DKK2: variants seen among roughly 807,000 people sequenced by gnomAD.
The protein encoded by DKK2 is dickkopf Wnt signaling pathway inhibitor 2.
Under a neutral mutation model 28.1 loss-of-function variants are expected in DKK2, and 11 were observed. That is an observed-to-expected ratio of 0.39 (90% CI 0.25 to 0.65). DKK2 has a LOEUF of 0.65. Among genes scored for constraint, DKK2 ranks in the 30% least tolerant of loss-of-function variants. DKK2 has a pLI of 0.47. For synonymous variants in DKK2, 135 were observed against 126.5 expected (o/e 1.07, Z -0.45); for missense variants, 326 against 335.5 (o/e 0.97, Z 0.22).
intron 1 of DKK2, among the ~76,000 whole-genome samples, chr4:106,980,352 T>TTA (rs1723010365): frequency 1.3e-5 from 2 of 152,104 alleles, no homozygotes; most frequent in African/African-American, 4.8e-5. Flanking sequence ...TATCAATATG[T>TTA]TATCAAAAGT....
At chr4:107,019,486 T>C (rs139104058) in intron 1 of DKK2, among the ~76,000 whole-genome samples, 3 of 151,998 alleles carry the variant, frequency 2.0e-5, no homozygotes, top group African/African-American at 7.2e-5. Context: ...CAACATAAAA[T>C]TCCTGGTATA....
At chr4:107,027,668 T>C (rs1012669514) in intron 1 of DKK2, among the ~76,000 whole-genome samples, 1 of 152,118 alleles carries the variant, frequency 6.6e-6, no homozygotes, top group Non-Finnish European at 1.5e-5. Flanking sequence ...TTAATACTTT[T>C]AGAAGCAGTC....
intron 1 of DKK2, among the ~76,000 whole-genome samples, chr4:106,940,850 A>G (rs963445860): frequency 5.9e-5 from 9 of 152,176 alleles, no homozygotes; most frequent in Non-Finnish European, 1.0e-4. Flanking sequence ...TCAGTAAACT[A>G]TCGCAAGAAC....
intron 1 of DKK2, among the ~76,000 whole-genome samples, chr4:106,983,309 GA>G (rs983091451): frequency 8.1e-5 from 9 of 110,440 alleles, no homozygotes; most frequent in African/African-American, 3.2e-4. Context: ...AAAGGAAGAA[GA>G]AAGAAAGAAG....
chr4:107,022,334 C>T (rs17037237), intron 1 of DKK2, among the ~76,000 whole-genome samples: 5 of 151,894 alleles, frequency 3.3e-5, no homozygotes, highest in Admixed American at 1.3e-4. Flanking sequence ...GCAATTAGCA[C>T]GTTGACTGAC....
intron 1 of DKK2, among the ~76,000 whole-genome samples, chr4:107,024,228 C>T (rs779257615): frequency 1.3e-5 from 2 of 152,008 alleles, no homozygotes; most frequent in Non-Finnish European, 2.9e-5. Context: ...TCAAGCCTTT[C>T]AAGGTGTTTT....
intron 1 of DKK2, among the ~76,000 whole-genome samples, chr4:106,969,794 A>G (rs1722838810): frequency 6.6e-6 from 1 of 152,244 alleles, no homozygotes; most frequent in Non-Finnish European, 1.5e-5. Context: ...TGAAGAGAAC[A>G]AAAATATCTC....
At chr4:107,011,934 G>T (rs2110369432) in intron 1 of DKK2, among the ~76,000 whole-genome samples, 1 of 151,400 alleles carries the variant, frequency 6.6e-6, no homozygotes, top group Admixed American at 6.6e-5. Flanking sequence ...GGCCAAACTT[G>T]AAGAATCACT....
rs1006327756 is a variant in DKK2, at chr4:106,965,796, C to T, written c.223-39847G>A. ...GAGTGTAATATTCCCCTTCCTGTGT[C>T]CATGTGATCTCATTGTTCAATTCCC... On this transcript the variant is annotated intron_variant, in intron 1 of 3. Coordinates refer to ENST00000285311, the MANE Select transcript of DKK2 (RefSeq NM_014421.3). Among the ~76,000 whole-genome samples the T allele has an allele frequency of 2.9e-5, 4 of 137,684 alleles. No homozygotes were observed. The Admixed American group carries it at 3.2e-4, about 11-fold the overall frequency. 90.3% of individuals were successfully genotyped at this position (137,684 alleles called of 152,430 possible).
chr4:106,935,123 C>A (rs559834122), intron 1 of DKK2, among the ~76,000 whole-genome samples: 3 of 152,252 alleles, frequency 2.0e-5, no homozygotes, highest in Non-Finnish European at 4.4e-5. Flanking sequence ...CCAAGATGGC[C>A]GAATAGGAAC....
At chr4:106,983,331 A>C (rs147840407) in intron 1 of DKK2, among the ~76,000 whole-genome samples, 4,565 of 128,256 alleles carry the variant, frequency 0.036, 97 homozygotes, top group African/African-American at 0.057. Context: ...AAAGAAAGGA[A>C]GAAAGGAAGA....
chr4:107,020,824 T>C (rs1329920107), intron 1 of DKK2, among the ~76,000 whole-genome samples: 2 of 152,054 alleles, frequency 1.3e-5, no homozygotes, highest in African/African-American at 2.4e-5. Flanking sequence ...AAGTAACATG[T>C]GCCACCAGAC....
chr4:106,992,804 A>G (rs1485357243), intron 1 of DKK2, among the ~76,000 whole-genome samples: 1 of 152,192 alleles, frequency 6.6e-6, no homozygotes, highest in African/African-American at 2.4e-5. Flanking sequence ...AATCCTACCT[A>G]CTATTACATG....
At chr4:106,960,166 A>G (rs1039518201) in intron 1 of DKK2, among the ~76,000 whole-genome samples, 5 of 150,266 alleles carry the variant, frequency 3.3e-5, no homozygotes, top group African/African-American at 4.9e-5. Context: ...ATACACACAT[A>G]TATAGTAATA....
At chr4:106,969,502 G>T (rs1378351094) in intron 1 of DKK2, among the ~76,000 whole-genome samples, 2 of 151,784 alleles carry the variant, frequency 1.3e-5, no homozygotes, top group African/African-American at 4.8e-5. Flanking sequence ...TAAGTAACTT[G>T]CACCAAGTGT....
At chr4:106,954,893 A>G (rs886195967) in intron 1 of DKK2, among the ~76,000 whole-genome samples, 2 of 152,186 alleles carry the variant, frequency 1.3e-5, no homozygotes, top group Non-Finnish European at 2.9e-5. Flanking sequence ...AATACCATCA[A>G]TGTTAAACAG....
At chr4:106,959,350 A>C in intron 1 of DKK2, among the ~76,000 whole-genome samples, 1 of 152,132 alleles carries the variant, frequency 6.6e-6, no homozygotes, top group East Asian at 1.9e-4. Context: ...CTCATTCTTA[A>C]GAAATTGGTC....
At chr4:106,931,538 A>G (rs1412430521) in intron 1 of DKK2, among the ~76,000 whole-genome samples, 1 of 152,172 alleles carries the variant, frequency 6.6e-6, no homozygotes, top group Non-Finnish European at 1.5e-5. Context: ...TAAAATTTGC[A>G]GTAATTTGAT....
Position 106,922,349 on chromosome 4 carries a change from C to A in DKK2, c.*1605G>T, listed in dbSNP as rs942862328. The A allele has an allele frequency of 1.3e-5, 2 of 151,980 alleles. No individual in the cohort carries two copies. Among genetic ancestry groups the A allele is most frequent in the African/African-American group, 2.4e-5 (1 of 41,392 alleles). 9.4% of individuals were successfully genotyped at this position (151,980 alleles called of 1,614,324 possible). ...GTTTAAAGTCACGACTATAAGATAA[C>A]CTTTTATTGTTTTGTGCTCCAGACA... On this transcript the variant is annotated 3_prime_UTR_variant, in exon 4 of 4. Coordinates refer to ENST00000285311, the MANE Select transcript of DKK2 (RefSeq NM_014421.3).
Sources: allele counts gnomAD v4.1 joint callset (sites outside exome capture counted in the v4.1 genomes callset), GRCh38; gene constraint gnomAD v4.1.1; transcripts MANE v1.5; gene names NCBI Gene and HGNC (gene_info 2026-07-23, HGNC 2026-07-21).